IFFO2: variants seen among roughly 807,000 people sequenced by gnomAD.
IFFO2 encodes the protein intermediate filament family orphan 2.
Under a neutral mutation model 53.5 loss-of-function variants are expected in IFFO2, and 19 were observed. That is an observed-to-expected ratio of 0.36 (90% CI 0.25 to 0.52). The LOEUF is 0.52. IFFO2 is among the 20% of genes least tolerant of loss of function. IFFO2 has a pLI of 0.94. For synonymous variants in IFFO2, 303 were observed against 313.6 expected, an observed-to-expected ratio of 0.97 and a Z score of 0.36; for missense variants, 570 against 727.4, an observed-to-expected ratio of 0.78 and a Z score of 2.49.
In IFFO2 at chr1:18,928,350, T is replaced by C. The variant is rs1427556203; in HGVS notation, c.666-7229A>G. ...CCAGCTCTCGGAAGGAAAGACAAAT[T>C]AAATGCCAACTGATTGTCTCCACGG... is the stretch of plus-strand genomic sequence containing the variant. On this transcript the variant is annotated intron_variant, in intron 1 of 8. Coordinates refer to ENST00000455833, the MANE Select transcript of IFFO2 (RefSeq NM_001136265.2). This position sits in a 1 kb window ranked among gnomAD's most constrained non-coding sequence, Gnocchi z 4.9. Among the ~76,000 whole-genome samples the C allele has an allele frequency of 6.6e-6, 1 of 152,134 alleles. No individual in the cohort carries two copies. The highest frequency in any genetic ancestry group is 2.4e-5 in the African/African-American group (1 of 41,422).
chr1:18,943,465 A>G lies in IFFO2; in HGVS notation c.665+12203T>C, dbSNP rs546639837. Among the ~76,000 whole-genome samples the G allele has an allele frequency of 7.2e-4, 110 of 152,304 alleles. No homozygotes were observed. The South Asian group carries it at 0.02, about 28-fold the overall frequency. On this transcript the variant is annotated intron_variant, in intron 1 of 8. Transcript: ENST00000455833. ...ACATGCCCAGACAAGGAGCCCTGGA[A>G]ACATGGTCTTTATGGGGAATGAAAG...
intron 1 of IFFO2, among the ~76,000 whole-genome samples, chr1:18,925,349 C>A (rs1167884727): frequency 1.3e-5 from 2 of 152,218 alleles, no homozygotes; most frequent in East Asian, 1.9e-4. Context: ...GTTTGCCCCA[C>A]AGCTTAAAGC....
intron 1 of IFFO2, among the ~76,000 whole-genome samples, chr1:18,952,520 C>A (rs1405912260): frequency 6.6e-6 from 1 of 152,158 alleles, no homozygotes; most frequent in African/African-American, 2.4e-5. Flanking sequence ...ATATTTTTAG[C>A]TATAAAAAGG....
At chr1:18,944,881 G>A (rs1434634950) in intron 1 of IFFO2, among the ~76,000 whole-genome samples, 1 of 152,172 alleles carries the variant, frequency 6.6e-6, no homozygotes, top group African/African-American at 2.4e-5. Flanking sequence ...AAAGGAAAGA[G>A]GGAGAGGAAA....
chr1:18,928,913 A>G lies in IFFO2; in HGVS notation c.666-7792T>C, dbSNP rs779017304. Among the ~76,000 whole-genome samples the G allele has an allele frequency of 2.0e-5, 3 of 152,206 alleles. No homozygotes were observed. Among genetic ancestry groups the G allele is most frequent in the African/African-American group, 4.8e-5 (2 of 41,460 alleles). Reference sequence around the variant, plus strand: ...AGGGATACCAACTCCATCCGGAGTTATCCTGGGTGCCATCAGGGCTCTGAC... The same window carrying G: ...AGGGATACCAACTCCATCCGGAGTTGTCCTGGGTGCCATCAGGGCTCTGAC... On this transcript the variant is annotated intron_variant, in intron 1 of 8. Transcript: ENST00000455833. This position sits in a 1 kb window ranked among gnomAD's most constrained non-coding sequence, Gnocchi z 4.9.
At chr1:18,935,185 G>A (rs76806070) in intron 1 of IFFO2, among the ~76,000 whole-genome samples, 2,300 of 152,260 alleles carry the variant, frequency 0.015, 51 homozygotes, top group East Asian at 0.11. Flanking sequence ...GATTGCCTCC[G>A]TTGGGTGCAG....
intron 1 of IFFO2, among the ~76,000 whole-genome samples, chr1:18,952,499 A>G (rs1364075714): frequency 6.6e-6 from 1 of 152,264 alleles, no homozygotes; most frequent in African/African-American, 2.4e-5. Context: ...TATGGTCTAT[A>G]CTACAGAGGA....
intron 1 of IFFO2, among the ~76,000 whole-genome samples, chr1:18,944,383 G>A (rs1169120071): frequency 1.3e-5 from 2 of 152,142 alleles, no homozygotes; most frequent in African/African-American, 2.4e-5. Context: ...GCGATCGGGG[G>A]CCGGGGCGGG....
chr1:18,910,788 A>G (rs760660507), intron 7 of IFFO2, among the ~76,000 whole-genome samples: 29 of 152,346 alleles, frequency 1.9e-4, no homozygotes, highest in South Asian at 8.3e-4. Context: ...ACCTGATTAC[A>G]AAAATCCTGA....
intron 1 of IFFO2, among the ~76,000 whole-genome samples, chr1:18,921,430 G>A (rs1936214670): frequency 1.3e-5 from 2 of 152,264 alleles, no homozygotes; most frequent in South Asian, 2.1e-4. Context: ...AAACTGTAAA[G>A]TGCTGTGCAA....
At position 18,947,682 on chromosome 1, in the gene IFFO2, C is replaced by T. The variant is rs543794973; in HGVS notation, c.665+7986G>A. On this transcript the variant is annotated intron_variant, in intron 1 of 8. Transcript: ENST00000455833. This position sits in a 1 kb window ranked among gnomAD's most constrained non-coding sequence, Gnocchi z 5.0. ...CCAGCCCTGCCAGCCCCCATTGAGACCTTCTCCAAAGAGCAGGGGCCTGGA... is the reference window on the plus strand; with the variant it reads ...CCAGCCCTGCCAGCCCCCATTGAGATCTTCTCCAAAGAGCAGGGGCCTGGA... Among the ~76,000 whole-genome samples, 1 of 152,244 alleles carries T rather than the reference C, an allele frequency of 6.6e-6. No homozygotes were observed. Among genetic ancestry groups the T allele is most frequent in the African/African-American group, 2.4e-5 (1 of 41,540 alleles).
rs1935933773 is a variant in IFFO2, at chr1:18,905,484, A to G, written c.*3077T>C. ...ACATTTAGCTTAAGTTACATCTTATATTCTCCCCCACCCCACCCCCTCTCC... is the reference window on the plus strand; with the variant it reads ...ACATTTAGCTTAAGTTACATCTTATGTTCTCCCCCACCCCACCCCCTCTCC... On this transcript the variant is annotated 3_prime_UTR_variant, in exon 9 of 9. Coordinates refer to ENST00000455833, the MANE Select transcript of IFFO2 (RefSeq NM_001136265.2). 6.6e-6 allele frequency: 1 copy of G among 151,344 alleles called. No individual in the cohort carries two copies. The highest frequency in any genetic ancestry group is 1.5e-5 in the Non-Finnish European group (1 of 67,810). The allele number at this position is 151,344 out of a possible 1,614,324, so 9.4% of individuals were successfully genotyped here.
intron 1 of IFFO2, among the ~76,000 whole-genome samples, chr1:18,927,280 C>T (rs549708428): frequency 6.6e-5 from 10 of 152,300 alleles, no homozygotes; most frequent in African/African-American, 2.2e-4. Context: ...GGAAGGCGAG[C>T]GGCCGGCACG....
At chr1:18,911,079 C>G (rs903701630) in intron 7 of IFFO2, among the ~76,000 whole-genome samples, 1 of 152,248 alleles carries the variant, frequency 6.6e-6, no homozygotes, top group Non-Finnish European at 1.5e-5. Context: ...CGGGCATACT[C>G]AGCACCTTGT....
chr1:18,925,832 AT>A (rs1936277602), intron 1 of IFFO2, among the ~76,000 whole-genome samples: 3 of 69,848 alleles, frequency 4.3e-5, no homozygotes, highest in Non-Finnish European at 8.6e-5. Context: ...GGATGGATGG[AT>A]GGATGGATGG....
At chr1:18,924,660 C>G (rs78926664) in intron 1 of IFFO2, among the ~76,000 whole-genome samples, 17 of 152,252 alleles carry the variant, frequency 1.1e-4, no homozygotes, top group African/African-American at 3.9e-4. Context: ...ATCCTACGCC[C>G]GGGCCCTTTA....
chr1:18,916,809 G>T lies in IFFO2; in HGVS notation c.1103+94C>A. The T allele has an allele frequency of 7.3e-7, 1 of 1,369,730 alleles. No individual in the cohort carries two copies. 84.8% of individuals were successfully genotyped at this position (1,369,730 alleles called of 1,614,324 possible). ...GGAAATGAATTCAAATTCTTCCAGTGCTGCAGGCTACTCTCAGCCCAAGCC... is the reference window on the plus strand; with the variant it reads ...GGAAATGAATTCAAATTCTTCCAGTTCTGCAGGCTACTCTCAGCCCAAGCC... On this transcript the variant is annotated intron_variant, in intron 5 of 8. Transcript: ENST00000455833. This position sits in a 1 kb window ranked among gnomAD's most constrained non-coding sequence, Gnocchi z 4.3.
At position 18,919,296 on chromosome 1, in the gene IFFO2, G is replaced by A. The variant is rs1056546403; in HGVS notation, c.822+382C>T. ...CTGGGCCTGCGAGTCTCTCAGGCCC[G>A]CACAGACCAGACGGCACCTGGCCCA... On this transcript the variant is annotated intron_variant, in intron 3 of 8. Transcript: ENST00000455833. The surrounding 1 kb of genome is among the most constrained non-coding windows in gnomAD (Gnocchi z 4.9). Among the ~76,000 whole-genome samples, 10 of 152,300 alleles carry A rather than the reference G, an allele frequency of 6.6e-5. No homozygotes were observed. Among genetic ancestry groups the A allele is most frequent in the South Asian group, 4.1e-4 (2 of 4,824 alleles).
At chr1:18,911,700 G>A (rs1434288562) in intron 6 of IFFO2, among the ~76,000 whole-genome samples, 1 of 151,962 alleles carries the variant, frequency 6.6e-6, no homozygotes, top group African/African-American at 2.4e-5. Flanking sequence ...CACCAGGCCT[G>A]GCTAATTTTT....
Sources: allele counts gnomAD v4.1 joint callset (sites outside exome capture counted in the v4.1 genomes callset), GRCh38; gene constraint gnomAD v4.1.1; non-coding constraint Gnocchi (gnomAD v3.1); transcripts MANE v1.5; gene names NCBI Gene and HGNC (gene_info 2026-07-23, HGNC 2026-07-21).